The following SNTA1 variants were observed in gnomAD, a reference collection of about 807,000 sequenced individuals.
SNTA1 encodes syntrophin alpha 1.
SNTA1 carries 31 observed loss-of-function variants against 47.1 expected under a neutral mutation model. The observed-to-expected ratio is 0.66, with a 90% confidence interval of 0.49 to 0.89. SNTA1 has a LOEUF of 0.89. Ranked by LOEUF, SNTA1 falls within the 40% of genes least tolerant of loss-of-function variation. SNTA1 has a pLI of 0.00. For missense variants in SNTA1, 575 were observed against 693.0 expected, an observed-to-expected ratio of 0.83 and a Z score of 1.91; for synonymous variants, 300 against 313.6, an observed-to-expected ratio of 0.96 and a Z score of 0.46.
chr20:33,424,182 C>T (rs1403902997), intron 2 of SNTA1, among the ~76,000 whole-genome samples: 8 of 149,532 alleles, frequency 5.4e-5, no homozygotes, highest in African/African-American at 9.9e-5. Flanking sequence ...GATGTGGTTG[C>T]GCATGCCTGT....
intron 2 of SNTA1, among the ~76,000 whole-genome samples, chr20:33,429,163 ACC>A (rs1990235713): frequency 6.6e-6 from 1 of 151,200 alleles, no homozygotes. Context: ...ACATGGTGAA[ACC>A]CCACCTATAC....
chr20:33,417,605 T>C, intron 3 of SNTA1, 114 bp downstream of exon 3: 1 of 774,224 alleles, frequency 1.3e-6, no homozygotes, highest in Non-Finnish European at 2.3e-6. Context: ...AAGCACCTAC[T>C]ATGTCCTGGC....
chr20:33,425,626 C>T (rs1434131269), intron 2 of SNTA1, among the ~76,000 whole-genome samples: 1 of 152,150 alleles, frequency 6.6e-6, no homozygotes, highest in Non-Finnish European at 1.5e-5. Context: ...TGTGCCACAG[C>T]ACTCCAGCCT....
At position 33,427,913 on chromosome 20, in the gene SNTA1, AT is replaced by A. The variant is rs879634953; in HGVS notation, c.497-9991del. On this transcript the variant is annotated intron_variant, in intron 2 of 7. Transcript: ENST00000217381. ...TTACATGAATAAACAAATCCATGGG[AT>A]TTTTTTTTTTAATTTGTAGACATGG... Among the ~76,000 whole-genome samples, 53 of 148,148 alleles carry A rather than the reference AT, an allele frequency of 3.6e-4. 1 individual carries two copies. The highest frequency in any genetic ancestry group is 9.6e-4 in the African/African-American group (39 of 40,540).
intron 1 of SNTA1, among the ~76,000 whole-genome samples, chr20:33,442,805 G>A (rs916120636): frequency 7.2e-5 from 11 of 152,174 alleles, no homozygotes; most frequent in Non-Finnish European, 1.3e-4. Flanking sequence ...TAGATTCCTA[G>A]GTCCTTGCTG....
At chr20:33,439,312 T>G (rs1990524016) in intron 1 of SNTA1, among the ~76,000 whole-genome samples, 1 of 152,056 alleles carries the variant, frequency 6.6e-6, no homozygotes, top group South Asian at 2.1e-4. Context: ...AGGATCAGCC[T>G]GGGCAACATG....
intron 5 of SNTA1, 51 bp downstream of exon 5, chr20:33,412,245 G>T (rs368625636): frequency 5.1e-5 from 80 of 1,581,696 alleles, no homozygotes; most frequent in Non-Finnish European, 5.8e-5. Flanking sequence ...CCCTGCTGGA[G>T]CATCTCCTGG....
At chr20:33,424,088 G>A (rs752192290) in intron 2 of SNTA1, among the ~76,000 whole-genome samples, 1 of 152,074 alleles carries the variant, frequency 6.6e-6, no homozygotes, top group Non-Finnish European at 1.5e-5. Context: ...GCCGAGGCGA[G>A]TGGATCACCT....
At chr20:33,426,805 A>G (rs1990181548) in intron 2 of SNTA1, among the ~76,000 whole-genome samples, 1 of 151,890 alleles carries the variant, frequency 6.6e-6, no homozygotes, top group African/African-American at 2.4e-5. Context: ...AGTGGCTCAC[A>G]CCTGTGAGCA....
intron 3 of SNTA1, among the ~76,000 whole-genome samples, chr20:33,415,386 G>T (rs1208552089): frequency 1.3e-5 from 2 of 152,214 alleles, no homozygotes; most frequent in African/African-American, 2.4e-5. Flanking sequence ...GCCGGGCATG[G>T]TGGCTCACCC....
At position 33,436,125 on chromosome 20, in the gene SNTA1, G is replaced by A. The variant is rs183793766; in HGVS notation, c.496+2716C>T. On this transcript the variant is annotated intron_variant, in intron 2 of 7. Coordinates refer to ENST00000217381, the MANE Select transcript of SNTA1 (RefSeq NM_003098.3). ...GGAGAATGGCGTGAACCCGGGAGGC[G>A]GAGCTTGCAGTGAGCCGAGATCCCG... Among the ~76,000 whole-genome samples the A allele has an allele frequency of 6.2e-3, 937 of 152,092 alleles. 9 individuals are homozygous for A. Among genetic ancestry groups the A allele is most frequent in the African/African-American group, 0.021 (855 of 41,476 alleles).
In SNTA1 at chr20:33,418,792, CAAAAAAAAAAAAA is replaced by C. The variant is rs760390793; in HGVS notation, c.497-882_497-870del. ...TGGGTGACATAACAAGACTCTGTCT[CAAAAAAAAAAAAA>C]AAAAAAAAAAAAAAAAAGACTCCCA... On this transcript the variant is annotated intron_variant, in intron 2 of 7. Coordinates refer to ENST00000217381, the MANE Select transcript of SNTA1 (RefSeq NM_003098.3). Among the ~76,000 whole-genome samples, 371 of 57,444 alleles carry C rather than the reference CAAAAAAAAAAAAA, an allele frequency of 6.5e-3. 4 individuals carry two copies. The highest frequency in any genetic ancestry group is 0.011 in the African/African-American group (116 of 10,382). 37.7% of individuals were successfully genotyped at this position (57,444 alleles called of 152,430 possible).
intron 2 of SNTA1, among the ~76,000 whole-genome samples, chr20:33,428,690 C>T (rs987664259): frequency 1.2e-4 from 18 of 151,958 alleles, no homozygotes; most frequent in Non-Finnish European, 2.6e-4. Flanking sequence ...ATCCTCCTAC[C>T]CAGCCTCCTG....
intron 2 of SNTA1, among the ~76,000 whole-genome samples, chr20:33,432,509 G>T (rs2146798175): frequency 6.6e-6 from 1 of 152,320 alleles, no homozygotes; most frequent in Admixed American, 6.5e-5. Context: ...GTTGGGCTCA[G>T]TGCCAGACCT....
intron 2 of SNTA1, among the ~76,000 whole-genome samples, chr20:33,427,622 A>C (rs932804355): frequency 4.6e-5 from 7 of 152,150 alleles, no homozygotes; most frequent in African/African-American, 1.7e-4. Flanking sequence ...ACAAAATCCC[A>C]AAAGCATGTG....
intron 2 of SNTA1, among the ~76,000 whole-genome samples, chr20:33,425,072 C>T (rs771404592): frequency 1.1e-4 from 17 of 151,148 alleles, no homozygotes; most frequent in Non-Finnish European, 1.5e-4. Context: ...GCCGAGATCA[C>T]GCCACTGCAC....
chr20:33,439,676 G>C (rs1248866561), intron 1 of SNTA1, among the ~76,000 whole-genome samples: 1 of 152,064 alleles, frequency 6.6e-6, no homozygotes, highest in Non-Finnish European at 1.5e-5. Flanking sequence ...TGCCTACTAT[G>C]TACGCACAAA....
chr20:33,424,946 C>T (rs1568755329), intron 2 of SNTA1, among the ~76,000 whole-genome samples: 1 of 151,942 alleles, frequency 6.6e-6, no homozygotes, highest in Non-Finnish European at 1.5e-5. Context: ...GAAACCCCGT[C>T]TCTACTAAAA....
At chr20:33,440,374 TGAA>T (rs1054740812) in intron 1 of SNTA1, among the ~76,000 whole-genome samples, 1 of 151,956 alleles carries the variant, frequency 6.6e-6, no homozygotes, top group Non-Finnish European at 1.5e-5. Context: ...GAGAATTGCT[TGAA>T]CCGGGAGGCT....
Sources: allele counts gnomAD v4.1 joint callset (sites outside exome capture counted in the v4.1 genomes callset), GRCh38; gene constraint gnomAD v4.1.1; transcripts MANE v1.5; gene names NCBI Gene and HGNC (gene_info 2026-07-23, HGNC 2026-07-21).